Variants in CCDC171 observed in about 807,000 individuals in gnomAD.
CCDC171 encodes coiled-coil domain containing 171.
A neutral mutation model predicts 168.2 loss-of-function variants in CCDC171; 177 were observed. That is an observed-to-expected ratio of 1.05 (90% CI 0.93 to 1.19). The LOEUF (loss-of-function observed/expected upper bound fraction) is 1.19. Ranked by LOEUF, CCDC171 falls within the 50% of genes most tolerant of loss-of-function variation. The pLI is 0.00. For missense variants in CCDC171, 1,991 were observed against 1,539.0 expected (o/e 1.29, Z -4.91); for synonymous variants, 687 against 540.8 (o/e 1.27, Z -3.75).
In CCDC171 at chr9:15,571,649, A is replaced by G. The variant is rs577580765; in HGVS notation, c.67A>G (p.Lys23Glu). ...QRLKIASLDV[K>E]QILKNETELD... ...GTTGAAGATTGCCTCATTGGATGTAAAACAAATACTTAAAAATGAAACAGA... is the reference window on the plus strand; with the variant it reads ...GTTGAAGATTGCCTCATTGGATGTAGAACAAATACTTAAAAATGAAACAGA... Residue 23 changes from lysine (K) to glutamate (E), a missense_variant, in exon 3 of 26, where the codon AAA (lysine) becomes GAA (glutamate). Coordinates refer to ENST00000380701, the MANE Select transcript of CCDC171 (RefSeq NM_173550.4). The G allele has an allele frequency of 2.8e-5, 44 of 1,568,522 alleles. 1 individual carries two copies. The South Asian group carries it at 4.7e-4, about 17-fold the overall frequency.
At chr9:15,636,484 C>T (rs1193902621) in intron 7 of CCDC171, among the ~76,000 whole-genome samples, 2 of 152,124 alleles carry the variant, frequency 1.3e-5, no homozygotes, top group African/African-American at 2.4e-5. Context: ...AGCTGTGGCT[C>T]ATGCCTGTAA....
chr9:15,634,483 T>C (rs1283236645), intron 7 of CCDC171, among the ~76,000 whole-genome samples: 1 of 152,160 alleles, frequency 6.6e-6, no homozygotes. Flanking sequence ...TCTTCCTCTC[T>C]CTCCATGTGT....
rs71325944 is a variant in CCDC171 at position 15,865,849 on chromosome 9, C to CGTGTGT, written c.3469-8660_3469-8655dup. 2.9e-3 allele frequency among the ~76,000 whole-genome samples: 421 copies of CGTGTGT among 147,570 alleles called. 2 individuals carry two copies. Among genetic ancestry groups the CGTGTGT allele is most frequent in the African/African-American group, 4.4e-3 (175 of 40,146 alleles). ...GTTGTTCAAAGTTCAACTCTGCGTG[C>CGTGTGT]GTGTGTGTGTGTGTGTGTGTGTGTG... On this transcript the variant is annotated intron_variant, in intron 23 of 25. Coordinates refer to ENST00000380701, the MANE Select transcript of CCDC171 (RefSeq NM_173550.4).
At chr9:15,557,151 GTA>G (rs2038875793) in intron 1 of CCDC171, among the ~76,000 whole-genome samples, 1 of 152,142 alleles carries the variant, frequency 6.6e-6, no homozygotes, top group South Asian at 2.1e-4. Flanking sequence ...TAGCCTTGTA[GTA>G]TAGTTTGAAG....
At chr9:15,722,005 A>G (rs2053515037) in intron 12 of CCDC171, 130 bp downstream of exon 12, 5 of 383,440 alleles carry the variant, frequency 1.3e-5, no homozygotes, top group Non-Finnish European at 2.3e-5. Flanking sequence ...AAAAAATAAT[A>G]AATTATCTTT....
chr9:16,107,114 A>G, the CCDC171 span, among the ~76,000 whole-genome samples: 20 of 152,248 alleles, frequency 1.3e-4, no homozygotes, highest in African/African-American at 4.8e-4. Context: ...TCACCCCTAA[A>G]GAAATTTGCA....
chr9:15,790,934 C>G (rs539213208), intron 21 of CCDC171, among the ~76,000 whole-genome samples: 4 of 152,270 alleles, frequency 2.6e-5, no homozygotes, highest in African/African-American at 9.6e-5. Flanking sequence ...TCTGAGGGCT[C>G]TGTTCTGTTC....
chr9:16,001,496 A>G (rs1832544298), intron 3 of CCDC171, among the ~76,000 whole-genome samples: 1 of 151,960 alleles, frequency 6.6e-6, no homozygotes, highest in African/African-American at 2.4e-5. Context: ...GTTAAGGGGC[A>G]TTTTATTAGG....
At chr9:15,863,067 T>A (rs2061626494) in intron 23 of CCDC171, among the ~76,000 whole-genome samples, 1 of 151,162 alleles carries the variant, frequency 6.6e-6, no homozygotes, top group African/African-American at 2.5e-5. Context: ...CCACCCTTTT[T>A]CTCTGTGGAT....
intron 7 of CCDC171, among the ~76,000 whole-genome samples, chr9:15,635,924 G>A (rs574974812): frequency 1.3e-5 from 2 of 152,098 alleles, no homozygotes; most frequent in Non-Finnish European, 2.9e-5. Flanking sequence ...AAGGGTTCTA[G>A]TTTCTCTAGA....
rs1587908704 is a variant in CCDC171 at position 15,677,788 on chromosome 9, T to TATATGTGTGTATATATATATGAG, written c.1077-969_1077-968insTATGTGTGTATATATATATGAGA. 2.1e-5 allele frequency among the ~76,000 whole-genome samples: 3 copies of TATATGTGTGTATATATATATGAG among 142,808 alleles called. No individual in the cohort carries two copies. The East Asian group carries it at 6.2e-4, about 29-fold the overall frequency. 93.7% of individuals were successfully genotyped at this position (142,808 alleles called of 152,430 possible). A position where few individuals can be genotyped will look rare whatever the true frequency, so the allele number is the denominator to read the frequency against. On this transcript the variant is annotated intron_variant, in intron 9 of 25. Coordinates refer to ENST00000380701, the MANE Select transcript of CCDC171 (RefSeq NM_173550.4). ...ATATGTGTGTGTGTGTGTGTATATA[T>TATATGTGTGTATATATATATGAG]ACCCCATCTCATATATATACACACA...
At chr9:15,690,114 T>C (rs1470146231) in intron 10 of CCDC171, among the ~76,000 whole-genome samples, 2 of 151,900 alleles carry the variant, frequency 1.3e-5, no homozygotes, top group East Asian at 1.9e-4. Context: ...CTGGGGATAG[T>C]GGTGGGAGAA....
intron 3 of CCDC171, among the ~76,000 whole-genome samples, chr9:16,001,475 G>A (rs1012632990): frequency 5.9e-5 from 9 of 151,972 alleles, no homozygotes; most frequent in African/African-American, 9.7e-5. Flanking sequence ...GTGTGTGGGC[G>A]GGGGTAGGGA....
intron 18 of CCDC171, among the ~76,000 whole-genome samples, chr9:15,775,509 A>G (rs904764102): frequency 6.6e-6 from 1 of 152,070 alleles, no homozygotes; most frequent in African/African-American, 2.4e-5. Context: ...TAGTAGAGAC[A>G]AGGTTTCACT....
rs2057847389 is a variant in CCDC171 at position 15,784,713 on chromosome 9, A to G, written c.3267+19A>G. On this transcript the variant is annotated intron_variant, in intron 21 of 25. Coordinates refer to ENST00000380701, the MANE Select transcript of CCDC171 (RefSeq NM_173550.4). ...TGTTAAGGTAAGAGAATAAAGGGAT[A>G]TTTGCATAAAGGGATATTTTATCTA... 1.3e-6 allele frequency: 2 copies of G among 1,580,382 alleles called. No individual in the cohort carries two copies. Among genetic ancestry groups the G allele is most frequent in the Middle Eastern group, 1.7e-4 (1 of 5,990 alleles).
the CCDC171 span, among the ~76,000 whole-genome samples, chr9:16,082,503 T>C: frequency 6.6e-6 from 1 of 152,210 alleles, no homozygotes; most frequent in Non-Finnish European, 1.5e-5. Context: ...TTCATCAGTA[T>C]TTTTGACCTG....
chr9:15,928,495 T>A (rs1826137912), intron 25 of CCDC171, among the ~76,000 whole-genome samples: 2 of 151,710 alleles, frequency 1.3e-5, no homozygotes, highest in South Asian at 2.1e-4. Flanking sequence ...TTTCACTGTT[T>A]GAGAAACTCT....
intron 25 of CCDC171, among the ~76,000 whole-genome samples, chr9:15,949,157 G>A (rs993056188): frequency 2.6e-5 from 4 of 151,844 alleles, no homozygotes; most frequent in African/African-American, 7.3e-5. Flanking sequence ...ATTTCTGAGG[G>A]CTCTGTTCTG....
At chr9:15,583,561 A>T (rs899643127) in intron 4 of CCDC171, among the ~76,000 whole-genome samples, 1 of 152,194 alleles carries the variant, frequency 6.6e-6, no homozygotes. Flanking sequence ...AACCACTTAT[A>T]AGTGGGAGCT....
Sources: gnomAD v4.1 joint callset for allele counts (sites outside exome capture counted in the v4.1 genomes callset) on GRCh38, gnomAD v4.1.1 for gene constraint, MANE v1.5 for transcripts, NCBI Gene and HGNC (gene_info 2026-07-23, HGNC 2026-07-21) for gene names.